Variants in ESRRG observed in about 807,000 individuals in gnomAD.
ESRRG encodes estrogen related receptor gamma.
ESRRG carries 13 observed loss-of-function variants against 44.0 expected under a neutral mutation model. The ratio of observed to expected loss-of-function variants is 0.30; its 90% CI spans 0.19 to 0.47. ESRRG has a LOEUF of 0.47. ESRRG is among the 20% of genes least tolerant of loss of function. ESRRG has a pLI of 1.00. For missense variants in ESRRG, 395 were observed against 580.6 expected (o/e 0.68, Z 3.29); for synonymous variants, 215 against 214.6 (o/e 1.00, Z -0.02).
At chr1:216,519,814 T>TAAAAAA (rs147923058) in intron 5 of ESRRG, among the ~76,000 whole-genome samples, 24 of 118,938 alleles carry the variant, frequency 2.0e-4, no homozygotes, top group East Asian at 1.5e-3. Context: ...AACATAAAAG[T>TAAAAAA]AAAAAAAAAA....
chr1:216,631,378 A>T (rs1156767088), intron 3 of ESRRG, among the ~76,000 whole-genome samples: 1 of 152,192 alleles, frequency 6.6e-6, no homozygotes, highest in East Asian at 1.9e-4. Context: ...CTTGGTAAAT[A>T]GTGTTTGTTT....
chr1:216,630,041 C>T (rs1021628307), intron 3 of ESRRG, among the ~76,000 whole-genome samples: 2 of 152,272 alleles, frequency 1.3e-5, no homozygotes, highest in South Asian at 2.1e-4. Context: ...TTTGACACCA[C>T]CATTTTAAGT....
intron 3 of ESRRG, among the ~76,000 whole-genome samples, chr1:216,641,052 C>T (rs6697105): frequency 0.07 from 10,578 of 152,200 alleles, 436 homozygotes; most frequent in East Asian, 0.11. Flanking sequence ...CTTCCTAATT[C>T]AAGTTCACAA....
At chr1:217,066,065 A>G (rs1248134300) in intron 1 of ESRRG, among the ~76,000 whole-genome samples, 1 of 152,190 alleles carries the variant, frequency 6.6e-6, no homozygotes, top group Non-Finnish European at 1.5e-5. Context: ...CACTCTGAAC[A>G]GTGTCTGGTA....
At chr1:216,983,811 T>C (rs2074407895) in intron 1 of ESRRG, among the ~76,000 whole-genome samples, 2 of 151,808 alleles carry the variant, frequency 1.3e-5, no homozygotes, top group African/African-American at 2.4e-5. Context: ...AAAAAATGCA[T>C]TCTTCTATAA....
chr1:216,980,455 C>T (rs530225829), intron 1 of ESRRG, among the ~76,000 whole-genome samples: 1 of 152,280 alleles, frequency 6.6e-6, no homozygotes, highest in East Asian at 1.9e-4. Context: ...CCATAGCTTA[C>T]TAATATTTTC....
chr1:216,869,530 T>C (rs145198150), intron 2 of ESRRG, among the ~76,000 whole-genome samples: 50 of 152,242 alleles, frequency 3.3e-4, no homozygotes, highest in African/African-American at 1.2e-3. Flanking sequence ...TTATGCTAGC[T>C]CCTTTGCCTT....
At chr1:216,524,735 G>A (rs1436368039) in intron 5 of ESRRG, among the ~76,000 whole-genome samples, 1 of 151,956 alleles carries the variant, frequency 6.6e-6, no homozygotes, top group Non-Finnish European at 1.5e-5. Flanking sequence ...TTTTAAAATA[G>A]TGGTCAAACA....
chr1:217,105,168 T>C (rs2092573070), intron 1 of ESRRG, among the ~76,000 whole-genome samples: 1 of 152,222 alleles, frequency 6.6e-6, no homozygotes, highest in Admixed American at 6.5e-5. Context: ...ATGATCACCC[T>C]TCCTTTGGCC....
chr1:216,813,225 C>T (rs1264979081), intron 2 of ESRRG, among the ~76,000 whole-genome samples: 1 of 152,118 alleles, frequency 6.6e-6, no homozygotes, highest in East Asian at 1.9e-4. Context: ...GTCAGAGCAC[C>T]TCAAGTCATA....
chr1:216,844,402 C>T (rs750406999), intron 2 of ESRRG, among the ~76,000 whole-genome samples: 18 of 152,112 alleles, frequency 1.2e-4, no homozygotes, highest in Non-Finnish European at 1.9e-4. Flanking sequence ...CAAACCTCCC[C>T]GAAGCTTGCT....
intron 3 of ESRRG, among the ~76,000 whole-genome samples, chr1:216,585,897 A>G (rs2063677412): frequency 6.6e-6 from 1 of 152,086 alleles, no homozygotes; most frequent in Non-Finnish European, 1.5e-5. Flanking sequence ...AAAATTAGCC[A>G]GGCGTGGTTG....
At chr1:216,862,822 T>G (rs2096075231) in intron 2 of ESRRG, 1 of 152,126 alleles carries the variant, frequency 6.6e-6, no homozygotes, top group African/African-American at 2.4e-5. Flanking sequence ...TTTATTACGT[T>G]GATTAAGGTA....
At chr1:217,130,630 G>A (rs1003498394) in intron 1 of ESRRG, among the ~76,000 whole-genome samples, 1 of 152,170 alleles carries the variant, frequency 6.6e-6, no homozygotes, top group African/African-American at 2.4e-5. Context: ...ATGAATATGT[G>A]TAGGAGTTTT....
intron 2 of ESRRG, among the ~76,000 whole-genome samples, chr1:216,939,294 C>T (rs2064718127): frequency 8.2e-6 from 1 of 122,548 alleles, no homozygotes; most frequent in African/African-American, 3.1e-5. Flanking sequence ...ATGATCACTA[C>T]AACACATACT....
intron 1 of ESRRG, among the ~76,000 whole-genome samples, chr1:216,991,643 GGA>G (rs2075727408): frequency 1.5e-5 from 2 of 136,468 alleles, no homozygotes; most frequent in Non-Finnish European, 3.2e-5. Flanking sequence ...GGATGGGATG[GGA>G]TGGGATGGGA....
intron 2 of ESRRG, among the ~76,000 whole-genome samples, chr1:216,751,321 A>C (rs1192716715): frequency 1.3e-5 from 2 of 152,184 alleles, no homozygotes; most frequent in African/African-American, 4.8e-5. Flanking sequence ...TCACAGCAAA[A>C]GAGATGAAGG....
chr1:216,581,840 T>TA (rs778880052), intron 3 of ESRRG, among the ~76,000 whole-genome samples: 2 of 152,250 alleles, frequency 1.3e-5, no homozygotes, highest in Non-Finnish European at 2.9e-5. Context: ...GATCTTTCTA[T>TA]AAAATCATCC....
intron 1 of ESRRG, chr1:217,089,502 G>C (rs1447626596): frequency 2.0e-5 from 3 of 152,208 alleles, no homozygotes; most frequent in Non-Finnish European, 4.4e-5. Flanking sequence ...ATTTGGACCA[G>C]TTACCTTGGC....
Sources: allele counts gnomAD v4.1 joint callset (sites outside exome capture counted in the v4.1 genomes callset), GRCh38; gene constraint gnomAD v4.1.1; transcripts MANE v1.5; gene names NCBI Gene and HGNC (gene_info 2026-07-23, HGNC 2026-07-21).